Variants in MYH14 observed in about 807,000 individuals in gnomAD.
The protein encoded by MYH14 is myosin heavy chain 14, also known as myosin-14.
A neutral mutation model predicts 255.5 loss-of-function variants in MYH14; 123 were observed. The ratio of observed to expected loss-of-function variants is 0.48; its 90% confidence interval spans 0.42 to 0.56. The LOEUF is 0.56. Ranked by LOEUF, MYH14 falls within the 20% of genes least tolerant of loss-of-function variation. MYH14 has a pLI of 0.00. For missense variants in MYH14, 2,423 were observed against 2,802.3 expected, an observed-to-expected ratio of 0.86 and a Z score of 3.06; for synonymous variants, 1,095 against 1,161.2, an observed-to-expected ratio of 0.94 and a Z score of 1.16.
rs757682381 is a variant in MYH14 at position 50,268,254 on chromosome 19, C to T, written c.2920C>T (p.Arg974Cys). 7.0e-6 allele frequency: 11 copies of T among 1,570,418 alleles called. No individual in the cohort carries two copies. The highest frequency in any genetic ancestry group is 1.9e-5 in the Admixed American group (1 of 53,840). Residue 974 changes from arginine (R) to cysteine (C), a missense_variant, in exon 24 of 43, where the codon CGC becomes TGC. Physicochemically the swap from Arg to Cys is radical, Grantham distance 180. Coordinates refer to ENST00000642316, the MANE Select transcript of MYH14 (RefSeq NM_001145809.2). ...GGAGACGCGGGGGAGGCTGGCAGCC[C>T]GCAAGCAGGAGCTGGAGCTGGTGGT... ...AEETRGRLAA[R>C]KQELELVVSE...
At chr19:50,303,287 G>T (rs566557701) in intron 40 of MYH14, among the ~76,000 whole-genome samples, 3 of 152,144 alleles carry the variant, frequency 2.0e-5, no homozygotes, top group Admixed American at 1.3e-4. Flanking sequence ...AGTGGTATTG[G>T]CTGGGCTTGC....
At chr19:50,259,520 G>T (rs1217892858) in intron 19 of MYH14, among the ~76,000 whole-genome samples, 1 of 152,206 alleles carries the variant, frequency 6.6e-6, no homozygotes, top group African/African-American at 2.4e-5. Flanking sequence ...GCTGTTTAGG[G>T]CAGTAGGCCC....
chr19:50,269,819 G>A (rs2035228157), intron 24 of MYH14, among the ~76,000 whole-genome samples: 1 of 152,178 alleles, frequency 6.6e-6, no homozygotes, highest in Admixed American at 6.5e-5. Context: ...GGATAAGGAG[G>A]GTCCCCAGAT....
At position 50,272,577 on chromosome 19, in the gene MYH14, G is replaced by A; in HGVS notation, c.3313G>A (p.Glu1105Lys). Reference sequence around the variant, plus strand: ...GCCTCCAGACCGCCTACGGAAGGAGGAGAAGGGTCGCCAGGAGCTGGAGAA... The same window carrying A: ...GCCTCCAGACCGCCTACGGAAGGAGAAGAAGGGTCGCCAGGAGCTGGAGAA... ...ADMEDRLRKE[E>K]KGRQELEKLK... is the part of the protein sequence containing the mutation. Residue 1105 changes from glutamate (E) to lysine (K), a missense_variant, in exon 27 of 43, where the codon GAG becomes AAG. Coordinates refer to ENST00000642316, the MANE Select transcript of MYH14 (RefSeq NM_001145809.2). The A allele has an allele frequency of 6.3e-7, 1 of 1,576,536 alleles. No individual in the cohort carries two copies. The highest frequency in any genetic ancestry group is 8.6e-7 in the Non-Finnish European group (1 of 1,161,846).
At chr19:50,220,391 A>C (rs1429660666) in intron 3 of MYH14, among the ~76,000 whole-genome samples, 3 of 147,774 alleles carry the variant, frequency 2.0e-5, no homozygotes, top group Admixed American at 6.8e-5. Context: ...CTTCATTTTT[A>C]TTTTATTATA....
chr19:50,292,141 C>G (rs989313282), intron 36 of MYH14, 120 bp from the exon 37 acceptor site: 1 of 1,075,350 alleles, frequency 9.3e-7, no homozygotes, highest in Admixed American at 3.4e-5. Flanking sequence ...CTGCAGGGTT[C>G]GGAGAGTTCC....
chr19:50,248,243 T>C (rs2034212032), intron 12 of MYH14, among the ~76,000 whole-genome samples: 1 of 151,924 alleles, frequency 6.6e-6, no homozygotes, highest in South Asian at 2.1e-4. Context: ...TAGGAGGCCA[T>C]TGAGGTTTTA....
At chr19:50,235,546 G>A (rs536573454) in intron 10 of MYH14, among the ~76,000 whole-genome samples, 42 of 151,522 alleles carry the variant, frequency 2.8e-4, no homozygotes, top group African/African-American at 9.4e-4. Flanking sequence ...TTGGGAGGCC[G>A]AGGTGGGAGA....
At position 50,245,814 on chromosome 19, in the gene MYH14, T is replaced by C. The variant is rs571462696; in HGVS notation, c.1211-1190T>C. Reference sequence around the variant, plus strand: ...TGTGCCGTGCACACACATTTACTCATTTGTTTTACAAAACTGGAGTCAGAC... The same window carrying C: ...TGTGCCGTGCACACACATTTACTCACTTGTTTTACAAAACTGGAGTCAGAC... On this transcript the variant is annotated intron_variant, in intron 11 of 42. Transcript: ENST00000642316. Among the ~76,000 whole-genome samples, 7 of 152,350 alleles carry C rather than the reference T, an allele frequency of 4.6e-5. No homozygotes were observed. In the South Asian group the frequency reaches 1.4e-3, roughly 32 times the overall value.
intron 9 of MYH14, chr19:50,231,004 G>A (rs2033356165): frequency 3.8e-6 from 1 of 262,848 alleles, no homozygotes; most frequent in Admixed American, 4.9e-5. Flanking sequence ...ACGCTGGTTT[G>A]TGTTGCTTCT....
At chr19:50,271,338 G>T (rs542147146) in intron 24 of MYH14, 71 bp from the exon 25 acceptor site, 16 of 1,514,272 alleles carry the variant, frequency 1.1e-5, no homozygotes, top group Non-Finnish European at 1.4e-5. Flanking sequence ...AGCCATCCCC[G>T]CTCCCATCCT....
chr19:50,271,363 C>T lies in MYH14; in HGVS notation c.3034-46C>T, dbSNP rs371328661. 4.1e-5 allele frequency: 64 copies of T among 1,569,868 alleles called. No individual in the cohort carries two copies. In the African/African-American group the frequency reaches 4.7e-4, roughly 12 times the overall value. On this transcript the variant is annotated intron_variant, in intron 24 of 42. Transcript: ENST00000642316. ...GCTCCCATCCTTCCCCATCACACTC[C>T]ATCTATTGGCCCAGTATCCTCACTC...
In MYH14 at chr19:50,276,235, C is replaced by G. The variant is rs140584631; in HGVS notation, c.3680+32C>G. 4,517 of 1,474,214 alleles carry G rather than the reference C, an allele frequency of 3.1e-3. 102 individuals are homozygous for G. In the African/African-American group the frequency reaches 0.054, roughly 18 times the overall value. The allele number at this position is 1,474,214 out of a possible 1,614,324, so 91.3% of individuals were successfully genotyped here. A position where few individuals can be genotyped will look rare whatever the true frequency, so the allele number is the denominator to read the frequency against. ...CCCGGTGGCAGGCCGCTGTCACAGC[C>G]TGTGCACATACAGGGCTGGGGGAAG... is the stretch of plus-strand genomic sequence containing the variant. On this transcript the variant is annotated intron_variant, in intron 28 of 42. Coordinates refer to ENST00000642316, the MANE Select transcript of MYH14 (RefSeq NM_001145809.2). This position sits in a 1 kb window ranked among gnomAD's most constrained non-coding sequence, Gnocchi z 4.3.
chr19:50,264,640 A>G (rs896915179), intron 22 of MYH14, among the ~76,000 whole-genome samples: 4 of 152,204 alleles, frequency 2.6e-5, no homozygotes, highest in Non-Finnish European at 5.9e-5. Context: ...GATGATCACC[A>G]ACAGAGGCTT....
rs2033340200 is a variant in MYH14, at chr19:50,230,777, CGTA to C, written c.973+157_973+159del. 2 of 645,190 alleles carry C rather than the reference CGTA, an allele frequency of 3.1e-6. No homozygotes were observed. The highest frequency in any genetic ancestry group is 5.4e-6 in the Non-Finnish European group (2 of 369,180). The allele number at this position is 645,190 out of a possible 1,614,324, so 40.0% of individuals were successfully genotyped here. A position where few individuals can be genotyped will look rare whatever the true frequency, so the allele number is the denominator to read the frequency against. On this transcript the variant is annotated intron_variant, in intron 9 of 42. Coordinates refer to ENST00000642316, the MANE Select transcript of MYH14 (RefSeq NM_001145809.2). The surrounding 1 kb of genome is among the most constrained non-coding windows in gnomAD (Gnocchi z 4.7). ...GCTCCCGCAGCCCCTGCTCTCGCTG[CGTA>C]GTGGCGTCTGTCGCACGGTGGGTTC...
intron 23 of MYH14, among the ~76,000 whole-genome samples, chr19:50,267,525 G>T (rs1292767740): frequency 6.6e-6 from 1 of 151,956 alleles, no homozygotes; most frequent in Non-Finnish European, 1.5e-5. Flanking sequence ...GATGGCGCAC[G>T]CCTGTAATCC....
At chr19:50,232,203 C>A in intron 10 of MYH14, 133 bp downstream of exon 10, 1 of 1,137,732 alleles carries the variant, frequency 8.8e-7, no homozygotes, top group Non-Finnish European at 1.2e-6. Flanking sequence ...GGGGCCAGAG[C>A]AGGGAATGAG....
At chr19:50,208,378 G>T (rs2031947127) in intron 1 of MYH14, among the ~76,000 whole-genome samples, 1 of 152,054 alleles carries the variant, frequency 6.6e-6, no homozygotes, top group Non-Finnish European at 1.5e-5. Context: ...TCAAGCCACT[G>T]CACTCCAGCC....
chr19:50,309,583 C>G, intron 42 of MYH14, 57 bp from the exon 43 acceptor site: 1 of 1,000,836 alleles, frequency 1.0e-6, no homozygotes, highest in Non-Finnish European at 1.5e-6. Context: ...CTCCCCCTTT[C>G]TCCTCCCCTC....
Sources: gnomAD v4.1 joint callset for allele counts (sites outside exome capture counted in the v4.1 genomes callset) on GRCh38, gnomAD v4.1.1 for gene constraint, Gnocchi (gnomAD v3.1) non-coding constraint, MANE v1.5 for transcripts, NCBI Gene and HGNC (gene_info 2026-07-23, HGNC 2026-07-21) for gene names.